OAT: variants seen among roughly 807,000 people sequenced by gnomAD.
The protein encoded by OAT is ornithine aminotransferase, also known as ornithine aminotransferase, mitochondrial.
Under a neutral mutation model 48.4 loss-of-function variants are expected in OAT, and 35 were observed. The ratio of observed to expected loss-of-function variants is 0.72; its 90% CI spans 0.55 to 0.96. OAT has a LOEUF of 0.96. OAT is among the 40% of genes least tolerant of loss of function. The probability of loss-of-function intolerance (pLI) is 0.00; values close to 1 mark genes in which losing one functional copy is unlikely to be tolerated. For synonymous variants in OAT, 182 were observed against 198.4 expected, an observed-to-expected ratio of 0.92 and a Z score of 0.70; for missense variants, 438 against 537.9, an observed-to-expected ratio of 0.81 and a Z score of 1.84.
At chr10:124,412,674 G>A (rs1307337945) in intron 1 of OAT, among the ~76,000 whole-genome samples, 2 of 151,176 alleles carry the variant, frequency 1.3e-5, no homozygotes, top group Middle Eastern at 3.6e-3. Context: ...CAGGTGTGGT[G>A]GTTTGTGCCT....
At position 124,397,987 on chromosome 10, in the gene OAT, A is replaced by G. The variant is rs1295393586; in HGVS notation, c.1275T>C (p.Leu425=). The G allele has an allele frequency of 1.2e-6, 2 of 1,613,846 alleles. No individual in the cohort carries two copies. Among genetic ancestry groups the G allele is most frequent in the African/African-American group, 2.7e-5 (2 of 74,914 alleles). The change falls in exon 10 of 10, where the codon CTT becomes CTC. Residue 425 remains leucine (L), a synonymous_variant. Coordinates refer to ENST00000368845, the MANE Select transcript of OAT (RefSeq NM_000274.4). Reference sequence around the variant, plus strand: ...TGTTAATAATTTCAATGGACTCTCGAAGCTCATCCTCCTTGATCACCAGCG... The same window carrying G: ...TGTTAATAATTTCAATGGACTCTCGGAGCTCATCCTCCTTGATCACCAGCG... The part of the protein sequence containing the change: ...APPLVIKEDE[L]RESIEIINKT...
At position 124,408,762 on chromosome 10, in the gene OAT, T is replaced by C; in HGVS notation, c.403A>G (p.Lys135Glu). 1 of 1,609,600 alleles carries C rather than the reference T, an allele frequency of 6.2e-7. No individual in the cohort carries two copies. The highest frequency in any genetic ancestry group is 8.5e-7 in the Non-Finnish European group (1 of 1,176,916). ...TTACCTGTATTCATAGGAAGAACTT[T>C]GTGGTAGTTGAAAAGTTTAGTAATA... The part of the protein sequence containing the change: ...EYITKLFNYH[K>E]VLPMNTGVEA... The change falls in exon 3 of 10, where the codon AAA becomes GAA. Residue 135 changes from lysine to glutamate, a missense_variant. Physicochemically the swap from Lys to Glu is moderately conservative, Grantham distance 56 (BLOSUM62 1). Transcript: ENST00000368845.
At chr10:124,408,252 T>C (rs1243041672) in intron 4 of OAT, among the ~76,000 whole-genome samples, 1 of 138,436 alleles carries the variant, frequency 7.2e-6, no homozygotes, top group Non-Finnish European at 1.5e-5. Flanking sequence ...AATTTACACA[T>C]ATATATATGT....
At chr10:124,402,522 T>C (rs1338795056) in intron 7 of OAT, among the ~76,000 whole-genome samples, 1 of 152,274 alleles carries the variant, frequency 6.6e-6, no homozygotes, top group African/African-American at 2.4e-5. Context: ...TAACAATTAC[T>C]GGCTCTGAAA....
At chr10:124,405,692 T>C (rs1589705697) in intron 4 of OAT, 129 bp from the exon 5 acceptor site, 1 of 1,523,680 alleles carries the variant, frequency 6.6e-7, no homozygotes, top group East Asian at 2.5e-5. Flanking sequence ...GCACCTTCGG[T>C]GGGCTTTCAA....
At chr10:124,411,165 G>GAAAAAA (rs1564738881) in intron 2 of OAT, among the ~76,000 whole-genome samples, 2 of 75,250 alleles carry the variant, frequency 2.7e-5, no homozygotes, top group African/African-American at 5.0e-5. Flanking sequence ...AAAAAAAAAA[G>GAAAAAA]AAGAAGAGAT....
intron 1 of OAT, chr10:124,414,079 T>A (rs1429165085): frequency 6.6e-6 from 1 of 151,264 alleles, no homozygotes; most frequent in East Asian, 1.9e-4. Flanking sequence ...TAGGAGAAAG[T>A]TGCCAAAAAC....
At chr10:124,416,715 T>C (rs1189023714) in intron 1 of OAT, among the ~76,000 whole-genome samples, 1 of 152,196 alleles carries the variant, frequency 6.6e-6, no homozygotes, top group Non-Finnish European at 1.5e-5. Flanking sequence ...TAGCCTATAC[T>C]CTTAAAAACT....
At chr10:124,403,477 C>T in intron 6 of OAT, 2 of 434,582 alleles carry the variant, frequency 4.6e-6, no homozygotes, top group Non-Finnish European at 8.5e-6. Context: ...GGAGAGAATA[C>T]AACAAAGGGC....
At chr10:124,409,182 A>G (rs1186633530) in intron 2 of OAT, among the ~76,000 whole-genome samples, 2 of 152,354 alleles carry the variant, frequency 1.3e-5, no homozygotes, top group East Asian at 3.8e-4. Flanking sequence ...CAAAACACAC[A>G]TTTAACAAAA....
intron 1 of OAT, among the ~76,000 whole-genome samples, chr10:124,415,766 C>A (rs1165893339): frequency 1.3e-5 from 2 of 152,106 alleles, no homozygotes; most frequent in African/African-American, 4.8e-5. Flanking sequence ...GAGCTTCAGT[C>A]TCCCCATTTG....
intron 7 of OAT, among the ~76,000 whole-genome samples, chr10:124,402,119 C>T (rs577925455): frequency 2.0e-5 from 3 of 151,808 alleles, no homozygotes; most frequent in South Asian, 4.2e-4. Flanking sequence ...AGGCTGGTCT[C>T]GAACTCATGA....
chr10:124,405,444 C>A lies in OAT; in HGVS notation c.640G>T (p.Ala214Ser), dbSNP rs1464097966. Residue 214 changes from alanine to serine, a missense_variant, in exon 5 of 10, where the codon GCA becomes TCA. By Grantham distance (99) the Ala-to-Ser change is moderately conservative (BLOSUM62 1). Coordinates refer to ENST00000368845, the MANE Select transcript of OAT (RefSeq NM_000274.4). ...TGATGCTAGTGAAATACCTCCAGTG[C>A]GGGCAGATCATTATAGGGAATGATG... is the stretch of plus-strand genomic sequence containing the variant. ...FDIIPYNDLP[A>S]LERALQDPNV... 1.2e-6 allele frequency: 2 copies of A among 1,613,604 alleles called. No individual in the cohort carries two copies. Among genetic ancestry groups the A allele is most frequent in the Admixed American group, 1.7e-5 (1 of 60,006 alleles).
rs1951417723 is a variant in OAT, at chr10:124,401,774, T to A, written c.966A>T (p.Thr322=). ...GGCAGCCTAGTGGATTGCCACCGTA[T>A]GTGGACCCATGCTCCCCTGGCTTAA... is the stretch of plus-strand genomic sequence containing the variant. ...LTIKPGEHGS[T]YGGNPLGCRV... The change falls in exon 8 of 10, where the codon ACA becomes ACT. Residue 322 remains threonine, a synonymous_variant. Coordinates refer to ENST00000368845, the MANE Select transcript of OAT (RefSeq NM_000274.4). 1.2e-6 allele frequency: 2 copies of A among 1,613,408 alleles called. No homozygotes were observed. The highest frequency in any genetic ancestry group is 1.7e-6 in the Non-Finnish European group (2 of 1,179,850).
At chr10:124,404,676 C>A (rs1445545168) in intron 5 of OAT, among the ~76,000 whole-genome samples, 2 of 152,112 alleles carry the variant, frequency 1.3e-5, no homozygotes, top group Non-Finnish European at 2.9e-5. Context: ...TCCTCCAGCC[C>A]TGGCCTCCCA....
At chr10:124,398,197 T>C (rs926501309) in intron 9 of OAT, 95 bp from the exon 10 acceptor site, 1 of 1,366,386 alleles carries the variant, frequency 7.3e-7, no homozygotes, top group Non-Finnish European at 1.0e-6. Context: ...CAAAACAAAA[T>C]TAACAGAACT....
chr10:124,411,714 G>T (rs1332430241), intron 2 of OAT, among the ~76,000 whole-genome samples: 11 of 151,874 alleles, frequency 7.2e-5, no homozygotes, highest in East Asian at 1.9e-4. Context: ...TACTCAGGAG[G>T]CTGAGGCAGA....
In OAT at chr10:124,408,480, C is replaced by T. The variant is rs535048013; in HGVS notation, c.520+62G>A. 3.4e-6 allele frequency: 5 copies of T among 1,450,794 alleles called. 1 individual carries two copies. In the South Asian group the frequency reaches 5.8e-5, roughly 17 times the overall value. The allele number at this position is 1,450,794 out of a possible 1,614,324, so 89.9% of individuals were successfully genotyped here. A position where few individuals can be genotyped will look rare whatever the true frequency, so the allele number is the denominator to read the frequency against. ...GGATTACAGGCATGAGCCACCATGC[C>T]TGGCCACAGTAAATTATATTGTATG... On this transcript the variant is annotated intron_variant, in intron 4 of 9. Coordinates refer to ENST00000368845, the MANE Select transcript of OAT (RefSeq NM_000274.4).
rs185665960 is a variant in OAT at position 124,398,400 on chromosome 10, C to T, written c.1160-298G>A. ...GTGCGCACCTGTAGTCCCAGCTACT[C>T]GGGAGACTGAGGCAGGAGAATCGCT... is the stretch of plus-strand genomic sequence containing the variant. On this transcript the variant is annotated intron_variant, in intron 9 of 9. Transcript: ENST00000368845. Among the ~76,000 whole-genome samples the T allele has an allele frequency of 3.6e-3, 550 of 151,904 alleles. 3 individuals carry two copies. Among genetic ancestry groups the T allele is most frequent in the African/African-American group, 0.013 (526 of 41,422 alleles).
Sources: gnomAD v4.1 joint callset for allele counts (sites outside exome capture counted in the v4.1 genomes callset) on GRCh38, gnomAD v4.1.1 for gene constraint, MANE v1.5 for transcripts, NCBI Gene and HGNC (gene_info 2026-07-23, HGNC 2026-07-21) for gene names.